The following CCDC7 variants were observed in gnomAD, a reference collection of about 807,000 sequenced individuals.
CCDC7 encodes coiled-coil domain containing 7, also known as coiled-coil domain-containing protein 7.
CCDC7 carries 183 observed loss-of-function variants against 196.9 expected under a neutral mutation model. The observed-to-expected ratio is 0.93, with a 90% CI of 0.82 to 1.05. CCDC7 has a LOEUF of 1.05. CCDC7 is among the 50% of genes least tolerant of loss of function. The pLI is 0.00. For missense variants in CCDC7, 1,540 were observed against 1,482.2 expected (o/e 1.04, Z -0.64); for synonymous variants, 525 against 484.6 (o/e 1.08, Z -1.10).
At chr10:32,458,890 G>C (rs2034966141) in intron 3 of CCDC7, among the ~76,000 whole-genome samples, 1 of 152,080 alleles carries the variant, frequency 6.6e-6, no homozygotes, top group South Asian at 2.1e-4. Flanking sequence ...CTTAAGCCCA[G>C]TATTAATATT....
At chr10:32,865,156 G>A (rs901985385) in intron 41 of CCDC7, among the ~76,000 whole-genome samples, 5 of 151,652 alleles carry the variant, frequency 3.3e-5, no homozygotes, top group Admixed American at 2.6e-4. Context: ...AAACAAGCAC[G>A]CTATGAATGG....
At chr10:32,677,122 A>C (rs1287544430) in intron 21 of CCDC7, among the ~76,000 whole-genome samples, 1 of 149,500 alleles carries the variant, frequency 6.7e-6, no homozygotes, top group Admixed American at 6.7e-5. Context: ...AGGACAAAAA[A>C]CCAAACACCG....
chr10:32,760,202 C>T (rs1384592743), intron 28 of CCDC7, among the ~76,000 whole-genome samples: 1 of 151,908 alleles, frequency 6.6e-6, no homozygotes, highest in African/African-American at 2.4e-5. Flanking sequence ...CCTCAGGGAT[C>T]TAGAACTAGA....
chr10:32,704,310 G>A (rs984234204), intron 24 of CCDC7, among the ~76,000 whole-genome samples: 1 of 152,154 alleles, frequency 6.6e-6, no homozygotes, highest in Non-Finnish European at 1.5e-5. Flanking sequence ...AGCAGCGGAA[G>A]CTGCAGAACA....
chr10:32,575,674 G>C (rs1043726499), intron 16 of CCDC7, among the ~76,000 whole-genome samples: 1 of 152,130 alleles, frequency 6.6e-6, no homozygotes, highest in Non-Finnish European at 1.5e-5. Flanking sequence ...AATGTAGCTG[G>C]TATCAGTGAG....
intron 25 of CCDC7, among the ~76,000 whole-genome samples, chr10:32,714,808 A>C (rs546298754): frequency 7.2e-5 from 11 of 152,256 alleles, no homozygotes; most frequent in African/African-American, 2.2e-4. Context: ...AGAACCCACC[A>C]CGGCGCAGCA....
chr10:32,527,513 C>T (rs1023955349), intron 11 of CCDC7, among the ~76,000 whole-genome samples: 1 of 152,192 alleles, frequency 6.6e-6, no homozygotes, highest in South Asian at 2.1e-4. Context: ...ATTTTTGTCT[C>T]AGCCCGTGCA....
At chr10:32,872,838 C>A (rs543637507) in intron 41 of CCDC7, among the ~76,000 whole-genome samples, 1 of 152,088 alleles carries the variant, frequency 6.6e-6, no homozygotes, top group South Asian at 2.1e-4. Flanking sequence ...GTTGAAAATT[C>A]TTCTCTTTAA....
rs142355564 is a variant in CCDC7 at position 32,864,321 on chromosome 10, C to T, written c.4111+9832C>T. Among the ~76,000 whole-genome samples the T allele has an allele frequency of 3.4e-3, 517 of 151,156 alleles. 5 individuals carry two copies. Among genetic ancestry groups the T allele is most frequent in the African/African-American group, 0.012 (488 of 41,304 alleles). ...AGAAATTCAAATCCTTTTTCAAAAC[C>T]GTAAAAATTATAAAATATTTAGAAA... On this transcript the variant is annotated intron_variant, in intron 41 of 41. Coordinates refer to ENST00000639629, the Ensembl canonical transcript of CCDC7.
intron 29 of CCDC7, 28 bp downstream of exon 30, chr10:32,779,112 G>A: frequency 7.0e-7 from 1 of 1,418,994 alleles, no homozygotes; most frequent in East Asian, 2.5e-5. Flanking sequence ...TTTGGATACA[G>A]TAGAACACAA....
chr10:32,678,614 C>T (rs989312314), intron 21 of CCDC7, among the ~76,000 whole-genome samples: 8 of 152,142 alleles, frequency 5.3e-5, no homozygotes, highest in African/African-American at 1.9e-4. Context: ...TCTAGCCATG[C>T]TGATTCCCTG....
At chr10:32,854,566 C>T in intron 41 of CCDC7, 77 bp downstream of exon 42, 1 of 941,338 alleles carries the variant, frequency 1.1e-6, no homozygotes, top group Non-Finnish European at 1.6e-6. Flanking sequence ...TTACCAACCT[C>T]AAACCTCTGG....
chr10:32,824,487 AGT>A, intron 31 of CCDC7, 29 bp from the exon 33 acceptor site: 1 of 1,409,394 alleles, frequency 7.1e-7, no homozygotes. Flanking sequence ...ACATTAAAAA[AGT>A]GTTTTGAAAT....
intron 18 of CCDC7, among the ~76,000 whole-genome samples, chr10:32,631,855 TATAC>T (rs1324495396): frequency 6.6e-6 from 1 of 152,120 alleles, no homozygotes; most frequent in Non-Finnish European, 1.5e-5. Flanking sequence ...TACAGGACTT[TATAC>T]TTATTTTTTT....
chr10:32,709,214 C>T (rs886199989), intron 24 of CCDC7, among the ~76,000 whole-genome samples: 3 of 150,530 alleles, frequency 2.0e-5, no homozygotes, highest in Non-Finnish European at 2.9e-5. Context: ...AGCAAACTAT[C>T]GCAAGGATAA....
intron 16 of CCDC7, among the ~76,000 whole-genome samples, chr10:32,575,916 A>G (rs1373585504): frequency 6.6e-6 from 1 of 152,194 alleles, no homozygotes; most frequent in Admixed American, 6.5e-5. Context: ...GCTGGGTTAG[A>G]TGAGGATGTA....
At chr10:32,456,087 A>G (rs1268607817) in intron 2 of CCDC7, among the ~76,000 whole-genome samples, 164 bp from the exon 4 acceptor site, 2 of 152,184 alleles carry the variant, frequency 1.3e-5, no homozygotes, top group Non-Finnish European at 2.9e-5. Flanking sequence ...CTTTGGGAGA[A>G]TTTGCTAGTA....
At chr10:32,686,182 T>G (rs1300136965) in intron 22 of CCDC7, 102 bp downstream of exon 23, 1 of 590,712 alleles carries the variant, frequency 1.7e-6, no homozygotes, top group Non-Finnish European at 2.9e-6. Context: ...AAATTTTACC[T>G]TGAACCTAAA....
At chr10:32,620,615 T>C (rs2063308778) in intron 18 of CCDC7, among the ~76,000 whole-genome samples, 1 of 152,172 alleles carries the variant, frequency 6.6e-6, no homozygotes, top group African/African-American at 2.4e-5. Flanking sequence ...GTGAAAAGTA[T>C]GGAGAGACAC....
Sources: allele counts gnomAD v4.1 joint callset (sites outside exome capture counted in the v4.1 genomes callset), GRCh38; gene constraint gnomAD v4.1.1; transcripts MANE v1.5; gene names NCBI Gene and HGNC (gene_info 2026-07-23, HGNC 2026-07-21).